Variants in PCSK2 observed in about 807,000 individuals in gnomAD.
The protein encoded by PCSK2 is proprotein convertase subtilisin/kexin type 2.
In PCSK2, 14 loss-of-function variants were observed where a neutral mutation model predicts 69.7. That is an observed-to-expected ratio of 0.20 (90% CI 0.13 to 0.31). The LOEUF is 0.31. Ranked by LOEUF, PCSK2 falls within the 10% of genes least tolerant of loss-of-function variation. PCSK2 has a pLI of 1.00. For synonymous variants in PCSK2, 307 were observed against 320.7 expected (o/e 0.96, Z 0.46); for missense variants, 544 against 842.5 (o/e 0.65, Z 4.39).
intron 2 of PCSK2, among the ~76,000 whole-genome samples, chr20:17,263,546 T>C (rs1987475326): frequency 6.6e-6 from 1 of 152,256 alleles, no homozygotes; most frequent in Non-Finnish European, 1.5e-5. Flanking sequence ...TTCAGGGTTT[T>C]AATCCATGTA....
chr20:17,268,204 T>C (rs957379063), intron 2 of PCSK2, among the ~76,000 whole-genome samples: 1 of 152,032 alleles, frequency 6.6e-6, no homozygotes, highest in Admixed American at 6.6e-5. Context: ...GTCCAAACTA[T>C]ATACAGGGCA....
chr20:17,296,984 G>A (rs1413582231), intron 2 of PCSK2, among the ~76,000 whole-genome samples: 1 of 152,108 alleles, frequency 6.6e-6, no homozygotes, highest in East Asian at 1.9e-4. Flanking sequence ...CTTCAGAGTG[G>A]CCCCTTTATA....
At chr20:17,299,358 T>G (rs1467461204) in intron 2 of PCSK2, among the ~76,000 whole-genome samples, 1 of 152,212 alleles carries the variant, frequency 6.6e-6, no homozygotes, top group African/African-American at 2.4e-5. Flanking sequence ...AGTTTATGTC[T>G]TGTTTCATCA....
chr20:17,263,214 T>C lies in PCSK2; in HGVS notation c.282+2870T>C, dbSNP rs557404051. 15 of 712,720 alleles carry C rather than the reference T, an allele frequency of 2.1e-5. No individual in the cohort carries two copies. In the East Asian group the frequency reaches 7.9e-4, roughly 38 times the overall value. The allele number at this position is 712,720 out of a possible 1,614,324, so 44.1% of individuals were successfully genotyped here. A position where few individuals can be genotyped will look rare whatever the true frequency, so the allele number is the denominator to read the frequency against. On this transcript the variant is annotated intron_variant, in intron 2 of 11. Transcript: ENST00000262545. ...AAATTTCAATGATGTTTGCCTCTCA[T>C]GTAACAACTAATTTTTATGCTAAAA...
In PCSK2 at chr20:17,370,136, C is replaced by T. The variant is rs115063020; in HGVS notation, c.543+859C>T. On this transcript the variant is annotated intron_variant, in intron 5 of 11. Coordinates refer to ENST00000262545, the MANE Select transcript of PCSK2 (RefSeq NM_002594.5). The stretch of plus-strand genomic sequence containing the variant: ...GGAGTACAAGATTCAAGCATTGGTG[C>T]GTTCACTTAAAATTATCCAAACTAT... 6.1e-3 allele frequency among the ~76,000 whole-genome samples: 935 copies of T among 152,280 alleles called. 9 individuals carry two copies. Among genetic ancestry groups the T allele is most frequent in the African/African-American group, 0.02 (848 of 41,562 alleles).
At chr20:17,288,791 T>C (rs1225992234) in intron 2 of PCSK2, among the ~76,000 whole-genome samples, 1 of 152,224 alleles carries the variant, frequency 6.6e-6, no homozygotes, top group Non-Finnish European at 1.5e-5. Flanking sequence ...CTTGAACTTC[T>C]AGTCTCCAGA....
Position 17,388,781 on chromosome 20 carries a change from G to A in PCSK2, c.543+19504G>A, listed in dbSNP as rs113083767. Among the ~76,000 whole-genome samples the A allele has an allele frequency of 1.6e-3, 250 of 152,202 alleles. 1 individual carries two copies. Among genetic ancestry groups the A allele is most frequent in the African/African-American group, 4.8e-3 (199 of 41,514 alleles). On this transcript the variant is annotated intron_variant, in intron 5 of 11. Coordinates refer to ENST00000262545, the MANE Select transcript of PCSK2 (RefSeq NM_002594.5). Reference sequence around the variant, plus strand: ...GATGCTTAATCAGAAAGCATGCAGCGTTGATCTGGAAATTAATTGGATGCT... The same window carrying A: ...GATGCTTAATCAGAAAGCATGCAGCATTGATCTGGAAATTAATTGGATGCT...
At chr20:17,376,450 G>A (rs79782018) in intron 5 of PCSK2, among the ~76,000 whole-genome samples, 1 of 152,322 alleles carries the variant, frequency 6.6e-6, no homozygotes, top group African/African-American at 2.4e-5. Context: ...AGTACTTGAG[G>A]TGTACCCCAG....
chr20:17,317,050 C>G (rs79666014), intron 2 of PCSK2, among the ~76,000 whole-genome samples: 1 of 152,330 alleles, frequency 6.6e-6, no homozygotes, highest in African/African-American at 2.4e-5. Flanking sequence ...GCCACATTCT[C>G]TCTTTTTGCC....
At chr20:17,385,965 G>A (rs866948670) in intron 5 of PCSK2, among the ~76,000 whole-genome samples, 31 of 152,182 alleles carry the variant, frequency 2.0e-4, no homozygotes, top group African/African-American at 7.2e-4. Context: ...CATATCATTG[G>A]TGAATTTGAC....
chr20:17,232,136 A>G (rs1986163243), intron 1 of PCSK2, among the ~76,000 whole-genome samples: 1 of 152,188 alleles, frequency 6.6e-6, no homozygotes, highest in Non-Finnish European at 1.5e-5. Context: ...TATCATCTTC[A>G]CAGTCCCACC....
rs2032494795 is a variant in PCSK2, at chr20:17,436,896, G to A, written c.885+13G>A. The A allele has an allele frequency of 1.9e-6, 3 of 1,580,736 alleles. No homozygotes were observed. The highest frequency in any genetic ancestry group is 1.9e-5 in the Admixed American group (1 of 53,572). On this transcript the variant is annotated intron_variant, in intron 8 of 11. Coordinates refer to ENST00000262545, the MANE Select transcript of PCSK2 (RefSeq NM_002594.5). ...TGGCGTGAACAAGGTAAGGGGGCCG[G>A]CCCCCTAGGCCCCGGCCACTCACAA...
Position 17,268,372 on chromosome 20 carries a change from T to C in PCSK2, c.282+8028T>C, listed in dbSNP as rs971497877. Among the ~76,000 whole-genome samples, 5 of 151,918 alleles carry C rather than the reference T, an allele frequency of 3.3e-5. No individual in the cohort carries two copies. In the East Asian group the frequency reaches 9.7e-4, roughly 29 times the overall value. On this transcript the variant is annotated intron_variant, in intron 2 of 11. Coordinates refer to ENST00000262545, the MANE Select transcript of PCSK2 (RefSeq NM_002594.5). Reference sequence around the variant, plus strand: ...CTATGAGAATGAGTAGAGCAGAGTATGGGAAGAGGGAGAGCCATAGAGGGG... The same window carrying C: ...CTATGAGAATGAGTAGAGCAGAGTACGGGAAGAGGGAGAGCCATAGAGGGG...
At chr20:17,387,213 T>C (rs1040298246) in intron 5 of PCSK2, among the ~76,000 whole-genome samples, 17 of 152,236 alleles carry the variant, frequency 1.1e-4, no homozygotes, top group Non-Finnish European at 2.5e-4. Flanking sequence ...ATGTTTTCAT[T>C]CAACACCTAG....
At chr20:17,248,714 A>T (rs1053440156) in intron 1 of PCSK2, among the ~76,000 whole-genome samples, 8 of 152,202 alleles carry the variant, frequency 5.3e-5, no homozygotes, top group African/African-American at 1.9e-4. Context: ...CATAGCCAAG[A>T]AAGAATCCCA....
chr20:17,267,910 C>G (rs955265022), intron 2 of PCSK2, among the ~76,000 whole-genome samples: 1 of 151,688 alleles, frequency 6.6e-6, no homozygotes, highest in Non-Finnish European at 1.5e-5. Flanking sequence ...GCTAGCAAAC[C>G]TTTAGGACTT....
chr20:17,303,493 T>TTAATATAATATATATTATATA (rs1568593630), intron 2 of PCSK2, among the ~76,000 whole-genome samples: 1 of 47,576 alleles, frequency 2.1e-5, no homozygotes, highest in African/African-American at 8.3e-5. Flanking sequence ...TATATTATAT[T>TTAATATAATATATATTATATA]TAATATAATA....
intron 1 of PCSK2, among the ~76,000 whole-genome samples, chr20:17,244,416 C>A (rs982253929): frequency 3.9e-5 from 6 of 152,132 alleles, no homozygotes; most frequent in African/African-American, 1.4e-4. Flanking sequence ...GCAGTGTGAC[C>A]ACATCCACAT....
chr20:17,362,788 T>G (rs1056005800), intron 4 of PCSK2, among the ~76,000 whole-genome samples: 2 of 152,348 alleles, frequency 1.3e-5, no homozygotes, highest in Non-Finnish European at 2.9e-5. Flanking sequence ...TTTGTGGCCA[T>G]TTTTAATGCA....
Sources: gnomAD v4.1 joint callset for allele counts (sites outside exome capture counted in the v4.1 genomes callset) on GRCh38, gnomAD v4.1.1 for gene constraint, MANE v1.5 for transcripts, NCBI Gene and HGNC (gene_info 2026-07-23, HGNC 2026-07-21) for gene names.